The following EZR variants were observed in gnomAD, a reference collection of about 807,000 sequenced individuals.
EZR encodes the protein ezrin, also known as cytovillin 2.
EZR carries 40 observed loss-of-function variants against 74.8 expected under a neutral mutation model. That is an observed-to-expected ratio of 0.53 (90% CI 0.42 to 0.70). EZR has a LOEUF of 0.70. EZR is among the 30% of genes least tolerant of loss of function. The pLI, the probability that EZR is intolerant of heterozygous loss-of-function variation, is 0.00. For missense variants in EZR, 678 were observed against 755.8 expected, an observed-to-expected ratio of 0.90 and a Z score of 1.21; for synonymous variants, 341 against 283.3, an observed-to-expected ratio of 1.20 and a Z score of -2.05.
At chr6:158,774,068 C>T (rs956356988) in intron 8 of EZR, among the ~76,000 whole-genome samples, 12 of 152,176 alleles carry the variant, frequency 7.9e-5, no homozygotes, top group East Asian at 1.9e-4. Context: ...CAGCAGAAAC[C>T]GCCTGGGGTG....
intron 3 of EZR, chr6:158,788,445 G>C (rs999959084): frequency 5.3e-5 from 8 of 152,204 alleles, no homozygotes; most frequent in Non-Finnish European, 8.8e-5. Flanking sequence ...TCAGGAGTTC[G>C]AGACTAGCCT....
rs1047522078 is a variant in EZR, at chr6:158,766,335, C to G, written c.*579G>C. On this transcript the variant is annotated 3_prime_UTR_variant, in exon 14 of 14. Coordinates refer to ENST00000367075, the MANE Select transcript of EZR (RefSeq NM_001111077.2). ...AAACAAAAAAAAAAATCCAAGTGTC[C>G]TCCTCCACCACTCACGCTGGTGATC... The G allele has an allele frequency of 2.0e-5, 3 of 151,380 alleles. No homozygotes were observed. The highest frequency in any genetic ancestry group is 2.9e-5 in the Non-Finnish European group (2 of 67,962). The allele number at this position is 151,380 out of a possible 1,614,324, so 9.4% of individuals were successfully genotyped here.
chr6:158,772,664 C>G (rs1197146662), intron 8 of EZR, among the ~76,000 whole-genome samples: 1 of 152,198 alleles, frequency 6.6e-6, no homozygotes, highest in Admixed American at 6.5e-5. Context: ...GATTAGCTTA[C>G]AAGACAGAAG....
At chr6:158,811,956 C>G (rs1390947105) in intron 2 of EZR, among the ~76,000 whole-genome samples, 2 of 151,624 alleles carry the variant, frequency 1.3e-5, no homozygotes, top group Non-Finnish European at 2.9e-5. Context: ...AATGGGATCT[C>G]TTACTTCCCT....
intron 2 of EZR, among the ~76,000 whole-genome samples, chr6:158,807,784 T>G (rs1364068303): frequency 1.3e-5 from 2 of 152,198 alleles, no homozygotes; most frequent in Non-Finnish European, 2.9e-5. Context: ...AAGCAGGTCT[T>G]TCTTTCAGGA....
chr6:158,809,642 T>C (rs1447827826), intron 2 of EZR, among the ~76,000 whole-genome samples: 3 of 152,236 alleles, frequency 2.0e-5, no homozygotes, highest in African/African-American at 7.2e-5. Flanking sequence ...AACAATTTTT[T>C]AAAAACTGGA....
At chr6:158,801,468 C>T (rs1430317634) in intron 2 of EZR, among the ~76,000 whole-genome samples, 1 of 152,170 alleles carries the variant, frequency 6.6e-6, no homozygotes, top group Non-Finnish European at 1.5e-5. Flanking sequence ...CTAAGCTCCA[C>T]AAATCTTGTA....
chr6:158,782,767 C>T (rs1791467592), intron 7 of EZR, among the ~76,000 whole-genome samples: 1 of 152,218 alleles, frequency 6.6e-6, no homozygotes, highest in African/African-American at 2.4e-5. Context: ...AGGTAGTTTC[C>T]TTCTGCCTCT....
chr6:158,770,751 C>CA lies in EZR; in HGVS notation c.1090+12dup. 1 of 1,614,112 alleles carries CA rather than the reference C, an allele frequency of 6.2e-7. No homozygotes were observed. The highest frequency in any genetic ancestry group is 2.2e-5 in the East Asian group (1 of 44,888). On this transcript the variant is annotated intron_variant, in intron 10 of 13. Transcript: ENST00000367075. ...ATGACCCAGTGTAGAGTGCCAGCCCCAGGGCGCCTGACCTCTCTCTGCCTT... is the reference window on the plus strand; with the variant it reads ...ATGACCCAGTGTAGAGTGCCAGCCCCAAGGGCGCCTGACCTCTCTCTGCCTT...
intron 2 of EZR, among the ~76,000 whole-genome samples, chr6:158,790,405 G>T (rs1361609092): frequency 6.6e-6 from 1 of 152,210 alleles, no homozygotes; most frequent in Non-Finnish European, 1.5e-5. Flanking sequence ...GGGCGCATTG[G>T]CTCACACACC....
intron 4 of EZR, among the ~76,000 whole-genome samples, chr6:158,786,720 TTTGG>T (rs1250538965): frequency 6.6e-6 from 1 of 152,248 alleles, no homozygotes; most frequent in African/African-American, 2.4e-5. Context: ...TACTTTTCTT[TTTGG>T]TTGGTTAATG....
chr6:158,777,675 G>A (rs761568099), intron 7 of EZR, among the ~76,000 whole-genome samples: 69 of 152,102 alleles, frequency 4.5e-4, no homozygotes, highest in Non-Finnish European at 8.5e-4. Flanking sequence ...CAATACTGAT[G>A]AGCAATACAG....
At chr6:158,786,112 G>A (rs1014293677) in intron 4 of EZR, among the ~76,000 whole-genome samples, 6 of 151,858 alleles carry the variant, frequency 4.0e-5, no homozygotes, top group Admixed American at 1.3e-4. Context: ...GGTGGCTCAC[G>A]ACTGTAATCC....
At chr6:158,794,148 G>A (rs373710210) in intron 2 of EZR, among the ~76,000 whole-genome samples, 3 of 152,300 alleles carry the variant, frequency 2.0e-5, no homozygotes, top group South Asian at 2.1e-4. Flanking sequence ...GTGGTACCAC[G>A]TGCCCATACA....
intron 7 of EZR, among the ~76,000 whole-genome samples, chr6:158,778,683 C>A (rs1032166022): frequency 9.9e-5 from 15 of 152,118 alleles, no homozygotes; most frequent in African/African-American, 3.4e-4. Context: ...GAACAGGGAA[C>A]ACAAAGGATG....
chr6:158,803,902 C>G (rs1777272695), intron 2 of EZR, among the ~76,000 whole-genome samples: 1 of 151,814 alleles, frequency 6.6e-6, no homozygotes, highest in East Asian at 1.9e-4. Flanking sequence ...TAGAAGGGAA[C>G]TTTCTGGGCA....
chr6:158,789,482 A>C (rs1562498587), intron 2 of EZR, 111 bp from the exon 3 acceptor site: 1 of 947,170 alleles, frequency 1.1e-6, no homozygotes, highest in Admixed American at 1.7e-5. Context: ...CATATGCCTG[A>C]CATCAGTTCC....
chr6:158,771,184 G>A (rs1791096007), intron 9 of EZR, 60 bp downstream of exon 9: 2 of 1,553,996 alleles, frequency 1.3e-6, no homozygotes, highest in Non-Finnish European at 8.7e-7. Context: ...ACAGGCACTG[G>A]CTGCCAGTGG....
At position 158,771,416 on chromosome 6, in the gene EZR, C is replaced by T. The variant is rs1791105085; in HGVS notation, c.796-9G>A. On this transcript the variant is annotated splice_polypyrimidine_tract_variant and intron_variant, in intron 8 of 13. Transcript: ENST00000367075. ...GCATAAAACACAAAGTCCTACAAAA[C>T]AGAACAGGGCCACCTGGACTCAAGC... is the stretch of plus-strand genomic sequence containing the variant. 1 of 1,589,144 alleles carries T rather than the reference C, an allele frequency of 6.3e-7. No individual in the cohort carries two copies. Among genetic ancestry groups the T allele is most frequent in the Non-Finnish European group, 8.6e-7 (1 of 1,165,172 alleles).
Sources: gnomAD v4.1 joint callset for allele counts (sites outside exome capture counted in the v4.1 genomes callset) on GRCh38, gnomAD v4.1.1 for gene constraint, MANE v1.5 for transcripts, NCBI Gene and HGNC (gene_info 2026-07-23, HGNC 2026-07-21) for gene names.